Variants in PDE8B observed in about 807,000 individuals in gnomAD.
The protein encoded by PDE8B is high affinity cAMP-specific and IBMX-insensitive 3',5'-cyclic phosphodiesterase 8B.
In PDE8B, 26 loss-of-function variants were observed where a neutral mutation model predicts 101.3. The observed-to-expected ratio is 0.26, with a 90% confidence interval of 0.19 to 0.36. The LOEUF (loss-of-function observed/expected upper bound fraction) is 0.36, where lower values mean the gene tolerates loss of function less well. PDE8B is among the 10% of genes least tolerant of loss of function. The pLI is 1.00. For missense variants in PDE8B, 810 were observed against 1,163.1 expected (o/e 0.70, Z 4.42); for synonymous variants, 424 against 429.3 (o/e 0.99, Z 0.15).
At chr5:77,313,448 G>A (rs1007391185) in intron 2 of PDE8B, among the ~76,000 whole-genome samples, 2 of 152,118 alleles carry the variant, frequency 1.3e-5, no homozygotes, top group African/African-American at 4.8e-5. Flanking sequence ...CATGCCCTTT[G>A]TACTCCAATT....
At chr5:77,398,402 A>G (rs1161961163) in intron 10 of PDE8B, among the ~76,000 whole-genome samples, 2 of 147,272 alleles carry the variant, frequency 1.4e-5, no homozygotes, top group African/African-American at 5.1e-5. Flanking sequence ...GCTCACTGCA[A>G]CCTCTGCCTC....
intron 2 of PDE8B, among the ~76,000 whole-genome samples, chr5:77,321,948 G>A (rs1210516341): frequency 6.6e-6 from 1 of 152,190 alleles, no homozygotes; most frequent in East Asian, 1.9e-4. Flanking sequence ...AGGAGGCACA[G>A]CATGCCACCC....
intron 10 of PDE8B, among the ~76,000 whole-genome samples, chr5:77,368,664 G>C (rs1207835579): frequency 6.6e-6 from 1 of 152,144 alleles, no homozygotes; most frequent in East Asian, 1.9e-4. Context: ...GCCTTACACG[G>C]TGCTAGGTAG....
At chr5:77,286,969 C>T (rs535968811) in intron 1 of PDE8B, among the ~76,000 whole-genome samples, 1 of 152,220 alleles carries the variant, frequency 6.6e-6, no homozygotes, top group Admixed American at 6.5e-5. Context: ...AGTTATTTCC[C>T]TCCGGATTCC....
chr5:77,244,273 C>G (rs772251066), intron 1 of PDE8B, among the ~76,000 whole-genome samples: 3 of 152,144 alleles, frequency 2.0e-5, no homozygotes, highest in Non-Finnish European at 4.4e-5. Flanking sequence ...AGGCTCAGCT[C>G]TAGAGAGGAA....
chr5:77,295,747 T>C (rs1278834452), intron 1 of PDE8B, among the ~76,000 whole-genome samples: 1 of 152,206 alleles, frequency 6.6e-6, no homozygotes, highest in Non-Finnish European at 1.5e-5. Flanking sequence ...ATTAATTGGC[T>C]CACCTAACTG....
intron 10 of PDE8B, among the ~76,000 whole-genome samples, chr5:77,399,437 A>T (rs946013682): frequency 1.3e-5 from 2 of 152,228 alleles, no homozygotes; most frequent in African/African-American, 4.8e-5. Context: ...TTATTTTTCA[A>T]GTTAACCTAC....
At chr5:77,363,587 C>CCAGCT (rs1254479144) in intron 10 of PDE8B, among the ~76,000 whole-genome samples, 1 of 151,920 alleles carries the variant, frequency 6.6e-6, no homozygotes, top group Non-Finnish European at 1.5e-5. Context: ...TGGCGGGTGC[C>CCAGCT]TGTAATCCCA....
intron 1 of PDE8B, among the ~76,000 whole-genome samples, chr5:77,241,219 A>G (rs973697461): frequency 3.9e-5 from 6 of 152,220 alleles, no homozygotes; most frequent in African/African-American, 1.2e-4. Flanking sequence ...TTTCTTCGGC[A>G]AGTATTGGGA....
chr5:77,094,494 C>T, the PDE8B span, among the ~76,000 whole-genome samples: 1 of 152,258 alleles, frequency 6.6e-6, no homozygotes, highest in East Asian at 1.9e-4. Context: ...TGTGTAGAGA[C>T]AGAGTCTCAC....
At chr5:77,378,182 C>T (rs1030470242) in intron 10 of PDE8B, among the ~76,000 whole-genome samples, 9 of 151,970 alleles carry the variant, frequency 5.9e-5, no homozygotes, top group Admixed American at 2.0e-4. Context: ...AGGTACTGGC[C>T]GGGCACGGCG....
rs375606059 is a variant in PDE8B at position 77,274,882 on chromosome 5, A to G, written c.340-37112A>G. Among the ~76,000 whole-genome samples, 4 of 152,326 alleles carry G rather than the reference A, an allele frequency of 2.6e-5. No homozygotes were observed. The East Asian group carries it at 7.7e-4, about 29-fold the overall frequency. ...TCATAAAAGTTTTAGATAAAAGTTCATATATACGTTTCAGAGAGAGAAAAA... is the reference window on the plus strand; with the variant it reads ...TCATAAAAGTTTTAGATAAAAGTTCGTATATACGTTTCAGAGAGAGAAAAA... On this transcript the variant is annotated intron_variant, in intron 1 of 21. Coordinates refer to ENST00000264917, the MANE Select transcript of PDE8B (RefSeq NM_003719.5).
At chr5:77,376,027 G>A (rs1431837934) in intron 10 of PDE8B, among the ~76,000 whole-genome samples, 7 of 151,536 alleles carry the variant, frequency 4.6e-5, no homozygotes, top group Non-Finnish European at 1.0e-4. Context: ...TGCGTAGCTG[G>A]GATTACAGGC....
chr5:77,269,320 A>G (rs2149761454), intron 1 of PDE8B, among the ~76,000 whole-genome samples: 1 of 151,950 alleles, frequency 6.6e-6, no homozygotes, highest in East Asian at 1.9e-4. Context: ...TTTAAATGGG[A>G]TTATTAGATT....
At chr5:77,100,965 CTTTTT>C in the PDE8B span, among the ~76,000 whole-genome samples, 5 of 124,386 alleles carry the variant, frequency 4.0e-5, no homozygotes, top group Non-Finnish European at 1.7e-5. Context: ...ATTTTTTTTC[CTTTTT>C]TTTTTTTTTT....
At chr5:77,406,809 A>T (rs1004513881) in intron 12 of PDE8B, among the ~76,000 whole-genome samples, 3 of 152,244 alleles carry the variant, frequency 2.0e-5, no homozygotes, top group Non-Finnish European at 1.5e-5. Flanking sequence ...AAGATTTTTT[A>T]AAAAATGAAA....
At chr5:77,229,987 A>G (rs1432033869) in intron 1 of PDE8B, among the ~76,000 whole-genome samples, 1 of 152,158 alleles carries the variant, frequency 6.6e-6, no homozygotes, top group African/African-American at 2.4e-5. Flanking sequence ...TATGGTAACT[A>G]TGTGTTTAAC....
chr5:77,272,060 A>G (rs1287888928), intron 1 of PDE8B, among the ~76,000 whole-genome samples: 2 of 152,192 alleles, frequency 1.3e-5, no homozygotes, highest in East Asian at 1.9e-4. Context: ...TAGGTCTGGA[A>G]ACCCTGGTCT....
the PDE8B span, among the ~76,000 whole-genome samples, chr5:77,116,819 T>G: frequency 6.6e-6 from 1 of 152,192 alleles, no homozygotes; most frequent in Admixed American, 6.5e-5. Context: ...CCCCCAAAGT[T>G]GTACTGTTTG....
Sources: allele counts gnomAD v4.1 joint callset (sites outside exome capture counted in the v4.1 genomes callset), GRCh38; gene constraint gnomAD v4.1.1; transcripts MANE v1.5; gene names NCBI Gene and HGNC (gene_info 2026-07-23, HGNC 2026-07-21).